Variants in STK3 observed in about 807,000 individuals in gnomAD.
STK3 encodes the protein serine/threonine kinase 3, also known as serine/threonine-protein kinase 3.
STK3 carries 41 observed loss-of-function variants against 58.0 expected under a neutral mutation model. The ratio of observed to expected loss-of-function variants is 0.71; its 90% CI spans 0.55 to 0.92. STK3 has a LOEUF of 0.92. STK3 is among the 40% of genes least tolerant of loss of function. The pLI is 0.00. For synonymous variants in STK3, 170 were observed against 191.0 expected (o/e 0.89, Z 0.91); for missense variants, 479 against 602.7 (o/e 0.79, Z 2.15).
intron 8 of STK3, among the ~76,000 whole-genome samples, chr8:98,552,650 C>A (rs1174541428): frequency 6.6e-6 from 1 of 152,050 alleles, no homozygotes; most frequent in South Asian, 2.1e-4. Context: ...TTCTGACCAC[C>A]AATCTAAACT....
chr8:98,744,749 A>T (rs1255039102), intron 4 of STK3, among the ~76,000 whole-genome samples: 2 of 152,118 alleles, frequency 1.3e-5, no homozygotes, highest in African/African-American at 4.8e-5. Flanking sequence ...TAAAAAAAAC[A>T]TATTTCTGTT....
chr8:98,744,030 G>C (rs1829456834), intron 4 of STK3, among the ~76,000 whole-genome samples: 1 of 151,936 alleles, frequency 6.6e-6, no homozygotes, highest in Non-Finnish European at 1.5e-5. Context: ...ACCACAATGA[G>C]ATACCATCTC....
At chr8:98,372,430 C>T (rs539751476) in intron 2 of STK3, among the ~76,000 whole-genome samples, 1 of 152,310 alleles carries the variant, frequency 6.6e-6, no homozygotes, top group East Asian at 1.9e-4. Flanking sequence ...GGCCCCTCCA[C>T]CCACTCCTGT....
chr8:98,409,759 A>C (rs1046436581), intron 3 of STK3, among the ~76,000 whole-genome samples: 1 of 152,240 alleles, frequency 6.6e-6, no homozygotes, highest in South Asian at 2.1e-4. Context: ...ACTGCCCTTA[A>C]GTCCCTTCTG....
chr8:98,626,622 G>C (rs1219434357), intron 6 of STK3, among the ~76,000 whole-genome samples: 1 of 152,176 alleles, frequency 6.6e-6, no homozygotes, highest in Non-Finnish European at 1.5e-5. Context: ...GATAATAAGT[G>C]ATCTCTGGCA....
chr8:98,560,354 G>A (rs997209138), intron 8 of STK3, among the ~76,000 whole-genome samples: 1 of 152,064 alleles, frequency 6.6e-6, no homozygotes, highest in Admixed American at 6.6e-5. Flanking sequence ...AAAAATTAGT[G>A]TGTGTGGCAA....
intron 6 of STK3, among the ~76,000 whole-genome samples, chr8:98,652,553 C>A (rs1587167634): frequency 6.9e-6 from 1 of 145,006 alleles, no homozygotes; most frequent in East Asian, 2.0e-4. Context: ...GATAAAGAGT[C>A]AAGACCCATC....
At chr8:98,711,490 C>T (rs927451291) in intron 4 of STK3, among the ~76,000 whole-genome samples, 1 of 152,226 alleles carries the variant, frequency 6.6e-6, no homozygotes, top group Admixed American at 6.5e-5. Flanking sequence ...GACAAATGCA[C>T]AAGCCTCAGT....
intron 10 of STK3, among the ~76,000 whole-genome samples, chr8:98,510,083 C>T (rs140764584): frequency 0.011 from 1,672 of 151,986 alleles, 25 homozygotes; most frequent in African/African-American, 0.037. Flanking sequence ...TATTGGTGTC[C>T]GGGTTACACA....
chr8:98,873,038 G>A (rs1391749380), intron 3 of STK3, among the ~76,000 whole-genome samples: 2 of 152,088 alleles, frequency 1.3e-5, no homozygotes, highest in African/African-American at 4.8e-5. Context: ...GGTATGTTGT[G>A]TCTTTGTTCT....
At chr8:98,345,860 G>T in the STK3 span, among the ~76,000 whole-genome samples, 2 of 152,062 alleles carry the variant, frequency 1.3e-5, no homozygotes, top group Non-Finnish European at 2.9e-5. Flanking sequence ...CAATGCCTGA[G>T]ATTAAAATAC....
rs576574729 is a variant in STK3, at chr8:98,931,630, G to A, written c.-79+10748C>T. ...ACAGCCAGGAGAGGCACTGGCTTTT[G>A]ATAACAGCCATTTTTGTTAAGTACA... On this transcript the variant is annotated intron_variant, in intron 1 of 1. Transcript: ENST00000519420. Among the ~76,000 whole-genome samples the A allele has an allele frequency of 2.6e-5, 4 of 152,286 alleles. No homozygotes were observed. In the East Asian group the frequency reaches 7.7e-4, roughly 29 times the overall value.
At chr8:98,395,004 T>G (rs6984033) in intron 3 of STK3, among the ~76,000 whole-genome samples, 105,714 of 152,056 alleles carry the variant, frequency 0.7, 37,947 homozygotes, top group Admixed American at 0.82. Context: ...TGAGGAGGCT[T>G]TGTGTTCCAG....
At chr8:98,897,923 T>C (rs1037095748) in intron 1 of STK3, among the ~76,000 whole-genome samples, 2 of 152,226 alleles carry the variant, frequency 1.3e-5, no homozygotes, top group African/African-American at 4.8e-5. Context: ...CCCTTACAGC[T>C]TGAATAACTA....
At chr8:98,595,337 T>C (rs761095101) in intron 7 of STK3, 1 of 151,846 alleles carries the variant, frequency 6.6e-6, no homozygotes, top group Non-Finnish European at 1.5e-5. Flanking sequence ...TTTAACCCAA[T>C]GGTTCCTTTA....
chr8:98,593,622 G>C (rs1035937761), intron 7 of STK3, among the ~76,000 whole-genome samples: 1 of 152,134 alleles, frequency 6.6e-6, no homozygotes, highest in Non-Finnish European at 1.5e-5. Context: ...CTGCACATGT[G>C]AGGGATCCAA....
chr8:98,348,240 C>T, the STK3 span, among the ~76,000 whole-genome samples: 11 of 152,152 alleles, frequency 7.2e-5, no homozygotes, highest in African/African-American at 2.2e-4. Context: ...GACTTTACAT[C>T]CTTCACAAAC....
chr8:98,518,678 T>C (rs929877360), intron 10 of STK3, among the ~76,000 whole-genome samples: 1 of 152,158 alleles, frequency 6.6e-6, no homozygotes, highest in African/African-American at 2.4e-5. Context: ...TACATGGACC[T>C]AGACAATCAC....
intron 6 of STK3, among the ~76,000 whole-genome samples, chr8:98,680,629 T>G (rs1250727123): frequency 1.3e-5 from 2 of 152,140 alleles, no homozygotes; most frequent in African/African-American, 4.8e-5. Context: ...GAAGACAAAG[T>G]TGGGATCTAT....
Sources: gnomAD v4.1 joint callset for allele counts (sites outside exome capture counted in the v4.1 genomes callset) on GRCh38, gnomAD v4.1.1 for gene constraint, MANE v1.5 for transcripts, NCBI Gene and HGNC (gene_info 2026-07-23, HGNC 2026-07-21) for gene names.